Variants in SPAM1 observed in about 807,000 individuals in gnomAD.
SPAM1 encodes hyaluronidase PH-20.
Under a neutral mutation model 29.6 loss-of-function variants are expected in SPAM1, and 22 were observed. The observed-to-expected ratio is 0.74, with a 90% CI of 0.53 to 1.06. SPAM1 has a LOEUF of 1.06. Ranked by LOEUF, SPAM1 falls within the 50% of genes least tolerant of loss-of-function variation. The pLI, the probability that SPAM1 is intolerant of heterozygous loss-of-function variation, is 0.00. For synonymous variants in SPAM1, 194 were observed against 204.6 expected (o/e 0.95, Z 0.44); for missense variants, 534 against 604.0 (o/e 0.88, Z 1.21).
chr7:123,963,171 A>G (rs961092264), downstream of SPAM1, among the ~76,000 whole-genome samples: 3 of 151,928 alleles, frequency 2.0e-5, no homozygotes, highest in Non-Finnish European at 2.9e-5. Context: ...TTGCAAAATT[A>G]TCTTTCAAAA....
At chr7:123,944,458 CAG>C (rs1808514366) in intron 1 of SPAM1, among the ~76,000 whole-genome samples, 1 of 152,068 alleles carries the variant, frequency 6.6e-6, no homozygotes, top group Middle Eastern at 3.2e-3. Context: ...AATAATGACA[CAG>C]AAATTATTTT....
At chr7:123,933,096 C>T (rs1808137630) in intron 1 of SPAM1, among the ~76,000 whole-genome samples, 1 of 150,898 alleles carries the variant, frequency 6.6e-6, no homozygotes, top group Non-Finnish European at 1.5e-5. Flanking sequence ...GATACATGTG[C>T]AGAATGTGTA....
chr7:123,960,739 C>T (rs1189491588), downstream of SPAM1, among the ~76,000 whole-genome samples: 1 of 151,748 alleles, frequency 6.6e-6, no homozygotes, highest in African/African-American at 2.4e-5. Context: ...CGGCTAGGTA[C>T]TCTCAAATTA....
At chr7:123,937,880 T>C (rs1039562731) in intron 1 of SPAM1, among the ~76,000 whole-genome samples, 1 of 151,984 alleles carries the variant, frequency 6.6e-6, no homozygotes, top group Non-Finnish European at 1.5e-5. Flanking sequence ...GGATAGAAAG[T>C]AAAAGGTAAA....
chr7:123,953,253 C>A, intron 2 of SPAM1, 112 bp from the exon 3 acceptor site: 1 of 235,988 alleles, frequency 4.2e-6, no homozygotes, highest in African/African-American at 2.2e-5. Context: ...GTAGATCCTC[C>A]ATCTTCTAAA....
At position 123,928,191 on chromosome 7, in the gene SPAM1, G is replaced by C. The variant is rs1390209387; in HGVS notation, c.-319+2839G>C. 2.0e-5 allele frequency among the ~76,000 whole-genome samples: 3 copies of C among 151,940 alleles called. 1 individual carries two copies. Among genetic ancestry groups the C allele is most frequent in the Admixed American group, 1.3e-4 (2 of 15,242 alleles). On this transcript the variant is annotated intron_variant, in intron 1 of 4. Coordinates refer to ENST00000682466, the MANE Select transcript of SPAM1 (RefSeq NM_153189.3). Reference sequence around the variant, plus strand: ...TTATTTTTCATCTTGAGAGTACTGCGCTACTTACAGGAAAGGCTAATTACT... The same window carrying C: ...TTATTTTTCATCTTGAGAGTACTGCCCTACTTACAGGAAAGGCTAATTACT...
chr7:123,967,503 G>A (rs73228008), intron 5 of SPAM1, among the ~76,000 whole-genome samples: 19,014 of 151,990 alleles, frequency 0.13, 1,281 homozygotes, highest in Middle Eastern at 0.15. Flanking sequence ...CCCTGTGATT[G>A]TTTTATATAT....
downstream of SPAM1, among the ~76,000 whole-genome samples, chr7:123,963,432 A>T (rs1321906362): frequency 6.6e-6 from 1 of 151,820 alleles, no homozygotes; most frequent in Non-Finnish European, 1.5e-5. Flanking sequence ...AATTTAAGAT[A>T]TGGCTTTTTA....
downstream of SPAM1, among the ~76,000 whole-genome samples, chr7:123,961,548 T>C (rs1022024308): frequency 3.3e-5 from 5 of 151,950 alleles, no homozygotes; most frequent in Non-Finnish European, 7.4e-5. Context: ...ATACACCACA[T>C]TTTTTTAATC....
chr7:123,926,597 G>A (rs948208355), intron 1 of SPAM1, among the ~76,000 whole-genome samples: 3 of 152,110 alleles, frequency 2.0e-5, no homozygotes, highest in Non-Finnish European at 2.9e-5. Flanking sequence ...CAAGGTGGTC[G>A]GGGTACAGTT....
downstream of SPAM1, among the ~76,000 whole-genome samples, chr7:123,964,690 C>T (rs1171263608): frequency 6.6e-6 from 1 of 151,770 alleles, no homozygotes. Flanking sequence ...GTGTGACCCA[C>T]CACATGCGGC....
intron 1 of SPAM1, among the ~76,000 whole-genome samples, chr7:123,928,378 G>A (rs1447819120): frequency 1.3e-5 from 2 of 152,078 alleles, no homozygotes; most frequent in Admixed American, 6.6e-5. Context: ...CTTGAGGTTT[G>A]GTCTGAAGGT....
At chr7:123,968,337 G>A (rs1792455088) in intron 5 of SPAM1, among the ~76,000 whole-genome samples, 1 of 152,054 alleles carries the variant, frequency 6.6e-6, no homozygotes, top group African/African-American at 2.4e-5. Context: ...CAACTTCCAG[G>A]TGTTGCCATG....
chr7:123,970,172 T>G (rs765512683), intron 5 of SPAM1: 15 of 1,547,174 alleles, frequency 9.7e-6, no homozygotes, highest in Non-Finnish European at 1.3e-5. Context: ...ACAACAGAAA[T>G]TAATTTTCTT....
At chr7:123,970,842 G>A (rs188604025) in intron 6 of SPAM1, among the ~76,000 whole-genome samples, 11 of 151,962 alleles carry the variant, frequency 7.2e-5, no homozygotes, top group Middle Eastern at 3.4e-3. Flanking sequence ...TTTGTTCTAC[G>A]TCCTCCCAGT....
chr7:123,966,486 C>G (rs1792426415), intron 5 of SPAM1, among the ~76,000 whole-genome samples: 3 of 151,974 alleles, frequency 2.0e-5, no homozygotes, highest in Admixed American at 2.0e-4. Context: ...TTCATTGCAG[C>G]CTTATTCACA....
downstream of SPAM1, among the ~76,000 whole-genome samples, chr7:123,961,723 C>T (rs187543016): frequency 3.9e-5 from 6 of 151,982 alleles, no homozygotes; most frequent in South Asian, 2.1e-4. Context: ...TCCATTTTCA[C>T]GCTGCTGATT....
intron 1 of SPAM1, among the ~76,000 whole-genome samples, chr7:123,928,119 G>A (rs542735080): frequency 7.0e-4 from 107 of 152,128 alleles, no homozygotes; most frequent in African/African-American, 2.4e-3. Flanking sequence ...GGGTAAGAAG[G>A]TATAAAAAAA....
At chr7:123,932,572 T>C (rs916255565) in intron 1 of SPAM1, 4 of 152,374 alleles carry the variant, frequency 2.6e-5, no homozygotes, top group Non-Finnish European at 5.9e-5. Flanking sequence ...CCTTCTTTAC[T>C]TGTATAAAAT....
Sources: gnomAD v4.1 joint callset for allele counts (sites outside exome capture counted in the v4.1 genomes callset) on GRCh38, gnomAD v4.1.1 for gene constraint, MANE v1.5 for transcripts, NCBI Gene and HGNC (gene_info 2026-07-23, HGNC 2026-07-21) for gene names.